STEAP3: variants seen among roughly 807,000 people sequenced by gnomAD.
STEAP3 encodes the protein STEAP3 metalloreductase.
In STEAP3, 35 loss-of-function variants were observed where a neutral mutation model predicts 34.9. The ratio of observed to expected loss-of-function variants is 1.00; its 90% CI spans 0.76 to 1.33. The LOEUF (loss-of-function observed/expected upper bound fraction) is 1.33, where lower values mean the gene tolerates loss of function less well. STEAP3 is among the 40% of genes most tolerant of loss of function. The pLI is 0.00. For synonymous variants in STEAP3, 281 were observed against 301.6 expected (o/e 0.93, Z 0.71); for missense variants, 652 against 667.6 (o/e 0.98, Z 0.26).
chr2:119,260,439 C>A (rs974599930), intron 5 of STEAP3, among the ~76,000 whole-genome samples: 6 of 151,790 alleles, frequency 4.0e-5, no homozygotes. Context: ...TACAGGCATG[C>A]GCCACCACAC....
rs1678945100 is a variant in STEAP3, at chr2:119,223,878, G to T, written c.-404G>T. The T allele has an allele frequency of 6.6e-6, 1 of 152,304 alleles. No individual in the cohort carries two copies. The highest frequency in any genetic ancestry group is 2.1e-4 in the South Asian group (1 of 4,826). The allele number at this position is 152,304 out of a possible 1,614,324, so 9.4% of individuals were successfully genotyped here. On this transcript the variant is annotated 5_prime_UTR_variant, in exon 1 of 6. Coordinates refer to ENST00000393110, the MANE Select transcript of STEAP3 (RefSeq NM_182915.3). Reference sequence around the variant, plus strand: ...AGCTGCCGCGGTCGCTCCGAGCGGCGGGCCGCAGAGGTGAGTGTACCCTCC... The same window carrying T: ...AGCTGCCGCGGTCGCTCCGAGCGGCTGGCCGCAGAGGTGAGTGTACCCTCC...
rs201605236 is a variant in STEAP3, at chr2:119,247,969, C to A, written c.813C>A (p.Cys271Ter). Reference sequence around the variant, plus strand: ...CCGTGGTCAACACCACACTGCCGTGCGTGGCCTACGTGCTGCTGTCACTCG... The same window carrying A: ...CCGTGGTCAACACCACACTGCCGTGAGTGGCCTACGTGCTGCTGTCACTCG... The part of the protein sequence containing the change: ...PVSVVNTTLP[C>*]VAYVLLSLVY... Residue 271 changes from cysteine (C) to a stop codon, truncating the protein, a stop_gained, in exon 4 of 6, where the codon TGC becomes TGA. Coordinates refer to ENST00000393110, the MANE Select transcript of STEAP3 (RefSeq NM_182915.3). LOFTEE classifies it high-confidence loss of function. The A allele has an allele frequency of 9.3e-5, 150 of 1,613,100 alleles. No individual in the cohort carries two copies. The East Asian group carries it at 1.8e-3, about 19-fold the overall frequency.
chr2:119,232,277 A>G (rs538150356), intron 2 of STEAP3, among the ~76,000 whole-genome samples: 10 of 152,198 alleles, frequency 6.6e-5, no homozygotes, highest in Admixed American at 6.5e-4. Context: ...CGGGGCAGGC[A>G]AGAGCCAACT....
chr2:119,234,746 C>T (rs1370099436), intron 2 of STEAP3, among the ~76,000 whole-genome samples: 2 of 152,228 alleles, frequency 1.3e-5, no homozygotes, highest in African/African-American at 4.8e-5. Flanking sequence ...GGGCACTCTC[C>T]ACAGGGATTA....
chr2:119,254,595 G>C (rs12711924), intron 4 of STEAP3, 89 bp from the exon 5 acceptor site: 1 of 1,507,340 alleles, frequency 6.6e-7, no homozygotes, highest in South Asian at 1.2e-5. Context: ...AGCGCCCGCC[G>C]TCTTGTCTTT....
In STEAP3 at chr2:119,263,326, G is replaced by A. The variant is rs150254604; in HGVS notation, c.1485G>A (p.Thr495=). ...LPTDHALAEK[T]SHV is the part of the protein sequence containing the mutation. ...CAGACCACGCCCTGGCCGAGAAGAC[G>A]AGCCACGTATGAGGTGCCTGCCCTG... The change falls in exon 6 of 6, where the codon ACG becomes ACA. Residue 495 remains threonine, a synonymous_variant. Transcript: ENST00000393110. 117 of 1,612,720 alleles carry A rather than the reference G, an allele frequency of 7.3e-5. No individual in the cohort carries two copies. The highest frequency in any genetic ancestry group is 3.3e-4 in the Middle Eastern group (2 of 6,084).
chr2:119,253,021 C>T (rs1677671066), intron 4 of STEAP3, among the ~76,000 whole-genome samples: 1 of 152,340 alleles, frequency 6.6e-6, no homozygotes, highest in East Asian at 1.9e-4. Flanking sequence ...TTACTCAATT[C>T]ATGCTGTGAG....
chr2:119,235,349 C>T (rs1033655315), intron 2 of STEAP3, among the ~76,000 whole-genome samples: 2 of 152,192 alleles, frequency 1.3e-5, no homozygotes, highest in Non-Finnish European at 2.9e-5. Context: ...TACTCGAAGC[C>T]CCCGTGAGCA....
At position 119,248,173 on chromosome 2, in the gene STEAP3, C is replaced by T. The variant is rs1677505798; in HGVS notation, c.1017C>T (p.His339=). 2 of 1,597,794 alleles carry T rather than the reference C, an allele frequency of 1.3e-6. No homozygotes were observed. The highest frequency in any genetic ancestry group is 1.7e-6 in the Non-Finnish European group (2 of 1,172,210). ...TCTGCTTGCCGCTGCGCCGCGCCCA[C>T]CGCTACGACCTGGTCAACCTGGCAG... The part of the protein sequence containing the change: ...YSFCLPLRRA[H]RYDLVNLAVK... The change falls in exon 4 of 6, where the codon CAC becomes CAT. Residue 339 remains histidine, a synonymous_variant. Transcript: ENST00000393110.
chr2:119,244,826 C>G (rs531701543), intron 2 of STEAP3: 5 of 152,280 alleles, frequency 3.3e-5, no homozygotes, highest in African/African-American at 7.2e-5. Context: ...TCTTAGGGGC[C>G]CATTCACTTG....
At chr2:119,231,347 G>A (rs1339898444) in intron 2 of STEAP3, among the ~76,000 whole-genome samples, 711 of 20,466 alleles carry the variant, frequency 0.035, 5 homozygotes, top group African/African-American at 0.17. Flanking sequence ...AGTTGCGTGT[G>A]TGTGTGTGTG....
At chr2:119,224,024 C>T (rs765485045) in intron 1 of STEAP3, 136 bp downstream of exon 1, 1 of 152,292 alleles carries the variant, frequency 6.6e-6, no homozygotes, top group African/African-American at 2.4e-5. Context: ...CTTCTGTCCC[C>T]TGGGACCGAG....
intron 5 of STEAP3, among the ~76,000 whole-genome samples, chr2:119,262,847 C>A (rs1677982128): frequency 6.6e-6 from 1 of 152,162 alleles, no homozygotes; most frequent in African/African-American, 2.4e-5. Flanking sequence ...GCATTATTCC[C>A]ATTTTCCTGT....
At chr2:119,234,274 A>G (rs952619521) in intron 2 of STEAP3, among the ~76,000 whole-genome samples, 1 of 152,176 alleles carries the variant, frequency 6.6e-6, no homozygotes, top group Non-Finnish European at 1.5e-5. Flanking sequence ...GGGCAGCCAC[A>G]GCCCACAAGA....
intron 4 of STEAP3, among the ~76,000 whole-genome samples, chr2:119,252,750 G>A (rs776700941): frequency 5.1e-4 from 77 of 152,160 alleles, no homozygotes; most frequent in Non-Finnish European, 1.0e-4. Context: ...GACTCCTAAG[G>A]CTGGCTTAGG....
chr2:119,260,633 T>A (rs1471803727), intron 5 of STEAP3, among the ~76,000 whole-genome samples: 2 of 152,222 alleles, frequency 1.3e-5, no homozygotes, highest in African/African-American at 4.8e-5. Context: ...GGGACTTTTT[T>A]AACCACAGTC....
chr2:119,247,832 A>G lies in STEAP3; in HGVS notation c.676A>G (p.Thr226Ala). 6.2e-7 allele frequency: 1 copy of G among 1,612,972 alleles called. No homozygotes were observed. Reference sequence around the variant, plus strand: ...CCTCCTCCCGGCCTGGAAGGTGCCCACCCTGCTGGCCCTGGGGCTCTTCGT... The same window carrying G: ...CCTCCTCCCGGCCTGGAAGGTGCCCGCCCTGCTGGCCCTGGGGCTCTTCGT... ...LRLLPAWKVP[T>A]LLALGLFVCF... The change falls in exon 4 of 6, where the codon ACC becomes GCC. Residue 226 changes from threonine (T) to alanine (A), a missense_variant. Thr to Ala is a moderately conservative substitution (Grantham distance 58, BLOSUM62 0). Transcript: ENST00000393110.
chr2:119,259,380 GT>G (rs1368552272), intron 5 of STEAP3, among the ~76,000 whole-genome samples: 1 of 152,206 alleles, frequency 6.6e-6, no homozygotes, highest in Non-Finnish European at 1.5e-5. Flanking sequence ...CCCAAGGAGA[GT>G]TTTTGGGAAA....
intron 1 of STEAP3, among the ~76,000 whole-genome samples, chr2:119,226,324 C>T (rs1379417898): frequency 2.0e-5 from 3 of 152,216 alleles, no homozygotes; most frequent in Non-Finnish European, 2.9e-5. Context: ...GCGTAGTGGC[C>T]AGGTCTTCCT....
Sources: gnomAD v4.1 joint callset for allele counts (sites outside exome capture counted in the v4.1 genomes callset) on GRCh38, gnomAD v4.1.1 for gene constraint, MANE v1.5 for transcripts, NCBI Gene and HGNC (gene_info 2026-07-23, HGNC 2026-07-21) for gene names.